Variants in NOX5 observed in about 807,000 individuals in gnomAD.
NOX5 encodes the protein NADPH oxidase 5.
Under a neutral mutation model 85.7 loss-of-function variants are expected in NOX5, and 76 were observed. The ratio of observed to expected loss-of-function variants is 0.89; its 90% CI spans 0.74 to 1.07. The LOEUF (loss-of-function observed/expected upper bound fraction) is 1.07, where lower values mean the gene tolerates loss of function less well. Ranked by LOEUF, NOX5 falls within the 50% of genes least tolerant of loss-of-function variation. NOX5 has a pLI of 0.00. For missense variants in NOX5, 973 were observed against 999.5 expected, an observed-to-expected ratio of 0.97 and a Z score of 0.36; for synonymous variants, 405 against 401.4, an observed-to-expected ratio of 1.01 and a Z score of -0.11.
Position 69,055,431 on chromosome 15 carries a change from C to A in NOX5, c.2097C>A (p.Asn699Lys), listed in dbSNP as rs145871646. 224 of 1,614,186 alleles carry A rather than the reference C, an allele frequency of 1.4e-4. 1 individual carries two copies. In the African/African-American group the frequency reaches 1.9e-3, roughly 14 times the overall value. The change falls in exon 15 of 16, where the codon AAC becomes AAA. Residue 699 changes from asparagine (N) to lysine (K), a missense_variant. Asn to Lys is a moderately conservative substitution (Grantham distance 94). Coordinates refer to ENST00000388866, the MANE Select transcript of NOX5 (RefSeq NM_024505.4). ...GLQMALDLLANKEKKDSITGL... is the reference protein window; with the variant it reads ...GLQMALDLLAKKEKKDSITGL... Reference sequence around the variant, plus strand: ...AGATGGCCCTTGACCTCCTGGCCAACAAGGAGAAGAAAGACTCCATCACGG... The same window carrying A: ...AGATGGCCCTTGACCTCCTGGCCAAAAAGGAGAAGAAAGACTCCATCACGG...
At chr15:69,045,661 C>T (rs936058367) in intron 10 of NOX5, among the ~76,000 whole-genome samples, 3 of 149,234 alleles carry the variant, frequency 2.0e-5, no homozygotes, top group African/African-American at 7.5e-5. Context: ...CCCTCCCTCT[C>T]TCTTTCTTTC....
At chr15:69,034,012 C>T (rs1307163833) in intron 5 of NOX5, among the ~76,000 whole-genome samples, 2 of 152,008 alleles carry the variant, frequency 1.3e-5, no homozygotes, top group African/African-American at 4.8e-5. Flanking sequence ...TTTTTGATCA[C>T]ACAACTCCTA....
At position 69,047,496 on chromosome 15, in the gene NOX5, C is replaced by T. The variant is rs1407633537; in HGVS notation, c.1776C>T (p.Gly592=). The change falls in exon 12 of 16, where the codon GGC becomes GGT. Residue 592 remains glycine (G), a synonymous_variant. Transcript: ENST00000388866. ...EHAVLIGAGI[G]ITPFASILQS... ...CCGTGCTCATCGGGGCAGGCATCGG[C>T]ATCACCCCCTTTGCTTCCATTCTGC... The T allele has an allele frequency of 6.2e-7, 1 of 1,614,042 alleles. No individual in the cohort carries two copies. The highest frequency in any genetic ancestry group is 2.2e-5 in the East Asian group (1 of 44,862).
chr15:69,032,011 A>G (rs143760301), intron 4 of NOX5, among the ~76,000 whole-genome samples, 199 bp downstream of exon 4: 4 of 152,038 alleles, frequency 2.6e-5, no homozygotes, highest in African/African-American at 4.8e-5. Context: ...TGCAGAATCA[A>G]CTCAAGGTCT....
intron 1 of NOX5, 111 bp from the exon 2 acceptor site, chr15:69,026,417 A>G: frequency 1.5e-6 from 2 of 1,363,518 alleles, no homozygotes; most frequent in Non-Finnish European, 2.0e-6. Context: ...GATTCAACTC[A>G]GGGAGGCTCA....
At chr15:69,018,876 A>G (rs938696944) in intron 1 of NOX5, among the ~76,000 whole-genome samples, 4 of 151,930 alleles carry the variant, frequency 2.6e-5, no homozygotes, top group African/African-American at 9.7e-5. Context: ...ATATTTTATT[A>G]TGTTATAAGG....
rs1049084757 is a variant in NOX5, at chr15:69,014,765, G to A, written c.30G>A (p.Thr10=). The A allele has an allele frequency of 7.7e-6, 12 of 1,550,186 alleles. No homozygotes were observed. Among genetic ancestry groups the A allele is most frequent in the Middle Eastern group, 1.7e-4 (1 of 6,014 alleles). The stretch of plus-strand genomic sequence containing the variant: ...ACACATCTGGAGACCCAGCCCAGAC[G>A]GGCCCTGAAGGCTGTAGAGGGTGAG... MNTSGDPAQ[T]GPEGCRGTMS... The change falls in exon 1 of 16, where the codon ACG becomes ACA. Residue 10 remains threonine (T), a synonymous_variant. Coordinates refer to ENST00000388866, the MANE Select transcript of NOX5 (RefSeq NM_024505.4).
intron 1 of NOX5, among the ~76,000 whole-genome samples, chr15:69,015,146 G>A (rs2050216056): frequency 6.6e-6 from 1 of 152,176 alleles, no homozygotes; most frequent in African/African-American, 2.4e-5. Flanking sequence ...AAGCAAGGCT[G>A]GACCTAAAAT....
In NOX5 at chr15:69,031,865, G is replaced by A. The variant is rs910350039; in HGVS notation, c.620+53G>A. 29 of 1,522,878 alleles carry A rather than the reference G, an allele frequency of 1.9e-5. 1 individual carries two copies. The Admixed American group carries it at 3.0e-4, about 16-fold the overall frequency. 94.3% of individuals were successfully genotyped at this position (1,522,878 alleles called of 1,614,324 possible). The stretch of plus-strand genomic sequence containing the variant: ...TGTCCACGGCGGCGTTAGACTCCTG[G>A]TCGGAAGTGTGGCAGGAACTCACCG... On this transcript the variant is annotated intron_variant, in intron 4 of 15. Transcript: ENST00000388866.
chr15:69,047,442 C>CT lies in NOX5; in HGVS notation c.1722_1723insT (p.Thr575TyrfsTer8), dbSNP rs1298068441. On this transcript the variant is annotated frameshift_variant, in exon 12 of 16. Transcript: ENST00000388866. LOFTEE classifies it high-confidence loss of function. ...ACATCGATGGGCCTTATGGGACCCCCACCCGCAGGATCTTTGCCTCTGAGC... is the reference window on the plus strand; with the variant it reads ...ACATCGATGGGCCTTATGGGACCCCCTACCCGCAGGATCTTTGCCTCTGAGC... The CT allele has an allele frequency of 1.9e-6, 3 of 1,613,924 alleles. No homozygotes were observed. Among genetic ancestry groups the CT allele is most frequent in the Non-Finnish European group, 2.5e-6 (3 of 1,179,966 alleles).
intron 1 of NOX5, among the ~76,000 whole-genome samples, chr15:69,019,268 T>C (rs1244532582): frequency 1.3e-5 from 2 of 152,172 alleles, no homozygotes; most frequent in Non-Finnish European, 2.9e-5. Context: ...CTTTGCCCAC[T>C]GCCCACCTGC....
chr15:69,043,890 A>G (rs1179098882), intron 10 of NOX5, among the ~76,000 whole-genome samples: 7 of 152,192 alleles, frequency 4.6e-5, no homozygotes, highest in Non-Finnish European at 7.3e-5. Context: ...ATGTATTCTT[A>G]AAAGCTAATT....
chr15:69,047,346 TCC>T lies in NOX5; in HGVS notation c.1693-64_1693-63del, dbSNP rs377627461. The T allele has an allele frequency of 3.3e-4, 488 of 1,488,852 alleles. 4 individuals carry two copies. The East Asian group carries it at 9.4e-3, about 29-fold the overall frequency. 92.2% of individuals were successfully genotyped at this position (1,488,852 alleles called of 1,614,324 possible). A position where few individuals can be genotyped will look rare whatever the true frequency, so the allele number is the denominator to read the frequency against. On this transcript the variant is annotated intron_variant, in intron 11 of 15. Transcript: ENST00000388866. ...AGGGGGTTCTGAAGCCCTGGGGACA[TCC>T]CCTGGTAGCAGGGGAGACCAGCGTC...
intron 15 of NOX5, 137 bp downstream of exon 15, chr15:69,055,637 G>A (rs558888136): frequency 2.8e-5 from 25 of 899,782 alleles, no homozygotes; most frequent in Non-Finnish European, 3.6e-5. Flanking sequence ...ACCTCGTGGT[G>A]TGAAAGGTAA....
chr15:69,027,942 T>G (rs930885184), intron 2 of NOX5, among the ~76,000 whole-genome samples: 4 of 152,084 alleles, frequency 2.6e-5, no homozygotes, highest in African/African-American at 9.7e-5. Context: ...GGTGATTGTA[T>G]GTAGGGGACA....
chr15:69,030,511 G>A (rs941430788), intron 3 of NOX5: 2 of 152,218 alleles, frequency 1.3e-5, no homozygotes, highest in African/African-American at 4.8e-5. Flanking sequence ...GAGGACCCTG[G>A]ATTTGAAATT....
chr15:69,038,818 G>C (rs1009172056), intron 8 of NOX5, 39 bp from the exon 9 acceptor site: 14 of 1,614,042 alleles, frequency 8.7e-6, no homozygotes, highest in Non-Finnish European at 1.2e-5. Flanking sequence ...GTGGCTTTGG[G>C]CCTGCAGGAA....
chr15:69,035,951 G>A lies in NOX5; in HGVS notation c.1188+15G>A, dbSNP rs747268083. 6.2e-7 allele frequency: 1 copy of A among 1,613,492 alleles called. No homozygotes were observed. Among genetic ancestry groups the A allele is most frequent in the South Asian group, 1.1e-5 (1 of 91,062 alleles). On this transcript the variant is annotated intron_variant, in intron 7 of 15. Coordinates refer to ENST00000388866, the MANE Select transcript of NOX5 (RefSeq NM_024505.4). ...GCCACTTTGAGGTGCCCCAGTTGCTGCCCTTTTGCTTCCCCCAAGGCCAGG... is the reference window on the plus strand; with the variant it reads ...GCCACTTTGAGGTGCCCCAGTTGCTACCCTTTTGCTTCCCCCAAGGCCAGG...
chr15:69,038,647 G>A (rs1031356839), intron 8 of NOX5, among the ~76,000 whole-genome samples: 8 of 152,152 alleles, frequency 5.3e-5, no homozygotes, highest in African/African-American at 1.9e-4. Context: ...GACACAGCCT[G>A]GCTGCCCCCT....
Sources: allele counts gnomAD v4.1 joint callset (sites outside exome capture counted in the v4.1 genomes callset), GRCh38; gene constraint gnomAD v4.1.1; transcripts MANE v1.5; gene names NCBI Gene and HGNC (gene_info 2026-07-23, HGNC 2026-07-21).